MECOM: variants seen among roughly 807,000 people sequenced by gnomAD.
MECOM encodes MDS1 and EVI1 complex locus, also known as histone-lysine N-methyltransferase MECOM.
MECOM carries 13 observed loss-of-function variants against 116.3 expected under a neutral mutation model. The observed-to-expected ratio is 0.11, with a 90% confidence interval of 0.07 to 0.18. MECOM has a LOEUF of 0.18. Among genes scored for constraint, MECOM ranks in the 10% least tolerant of loss-of-function variants. The probability of loss-of-function intolerance (pLI) is 1.00; values close to 1 mark genes in which losing one functional copy is unlikely to be tolerated. For synonymous variants in MECOM, 528 were observed against 535.2 expected (o/e 0.99, Z 0.19); for missense variants, 1,299 against 1,509.0 (o/e 0.86, Z 2.31).
chr3:169,433,699 G>T (rs13083252), intron 1 of MECOM, among the ~76,000 whole-genome samples: 1 of 149,802 alleles, frequency 6.7e-6, no homozygotes, highest in African/African-American at 2.5e-5. Flanking sequence ...GAGAAAGAAA[G>T]AAAAGAAAGA....
intron 2 of MECOM, among the ~76,000 whole-genome samples, chr3:169,153,364 A>T (rs1371422877): frequency 6.6e-6 from 1 of 152,194 alleles, no homozygotes; most frequent in Non-Finnish European, 1.5e-5. Flanking sequence ...GTTGTTTTAT[A>T]TCACTAGGAA....
rs16854045 is a variant in MECOM, at chr3:169,541,618, G to A, written c.37+121718C>T. 9.7e-3 allele frequency among the ~76,000 whole-genome samples: 1,478 copies of A among 152,276 alleles called. 140 individuals carry two copies. The East Asian group carries it at 0.24, about 25-fold the overall frequency. On this transcript the variant is annotated intron_variant, in intron 1 of 16. Coordinates refer to ENST00000651503, the MANE Select transcript of MECOM (RefSeq NM_004991.4). The stretch of plus-strand genomic sequence containing the variant: ...CTGCCAAGAGTTGGTGGCCCAGGAC[G>A]GCTCAGTGCCTCTTTCACCTTCCCT...
chr3:169,494,242 A>AT (rs1304400462), intron 1 of MECOM, among the ~76,000 whole-genome samples: 1 of 151,930 alleles, frequency 6.6e-6, no homozygotes, highest in Non-Finnish European at 1.5e-5. Context: ...TGCTCTTGTG[A>AT]TTTTTACTGA....
At chr3:169,147,595 A>C in intron 2 of MECOM, 1 of 985,392 alleles carries the variant, frequency 1.0e-6, no homozygotes, top group South Asian at 4.7e-5. Flanking sequence ...TTATGGATGC[A>C]CCATCCCCCT....
intron 1 of MECOM, among the ~76,000 whole-genome samples, chr3:169,385,407 C>T (rs1391879706): frequency 2.0e-5 from 3 of 151,962 alleles, no homozygotes; most frequent in Non-Finnish European, 4.4e-5. Flanking sequence ...CCTATTCATC[C>T]ATATGCAAGC....
At chr3:169,609,805 T>C (rs1450281495) in intron 1 of MECOM, among the ~76,000 whole-genome samples, 1 of 152,194 alleles carries the variant, frequency 6.6e-6, no homozygotes, top group East Asian at 1.9e-4. Context: ...TTAATAGCTA[T>C]TAGGTTTCCA....
At chr3:169,202,310 G>A (rs1316947150) in intron 2 of MECOM, among the ~76,000 whole-genome samples, 1 of 152,096 alleles carries the variant, frequency 6.6e-6, no homozygotes, top group African/African-American at 2.4e-5. Flanking sequence ...AAGCAAACCA[G>A]TGTTATTAAT....
chr3:169,299,366 C>T (rs1409968360), intron 2 of MECOM, among the ~76,000 whole-genome samples: 1 of 152,160 alleles, frequency 6.6e-6, no homozygotes, highest in Non-Finnish European at 1.5e-5. Flanking sequence ...TTTTCCTTCC[C>T]GCCCAGGCTG....
At chr3:169,613,795 G>T (rs1205807129) in intron 1 of MECOM, 1 of 152,138 alleles carries the variant, frequency 6.6e-6, no homozygotes, top group East Asian at 1.9e-4. Context: ...TCATTTACTG[G>T]GTACCTGTTC....
intron 1 of MECOM, among the ~76,000 whole-genome samples, chr3:169,560,645 T>A (rs989824337): frequency 6.6e-6 from 1 of 152,088 alleles, no homozygotes; most frequent in Non-Finnish European, 1.5e-5. Flanking sequence ...ACAGAAATAC[T>A]CAATGATATA....
intron 1 of MECOM, among the ~76,000 whole-genome samples, chr3:169,407,873 T>C (rs1438903106): frequency 2.6e-5 from 4 of 152,250 alleles, no homozygotes; most frequent in African/African-American, 9.6e-5. Flanking sequence ...ATTCCACTTC[T>C]TGATGGTTAT....
intron 2 of MECOM, among the ~76,000 whole-genome samples, chr3:169,178,106 AT>A (rs1745441316): frequency 6.6e-6 from 1 of 152,154 alleles, no homozygotes; most frequent in Non-Finnish European, 1.5e-5. Context: ...AGCAATCAGC[AT>A]AGTGCCTGAC....
chr3:169,431,072 T>G (rs1161364362), intron 1 of MECOM, among the ~76,000 whole-genome samples: 1 of 152,214 alleles, frequency 6.6e-6, no homozygotes, highest in East Asian at 1.9e-4. Context: ...TGAGTCATAT[T>G]AAATTATGCT....
intron 1 of MECOM, chr3:169,477,105 G>GTGTGTA (rs1216311292): frequency 3.4e-5 from 2 of 59,556 alleles, no homozygotes; most frequent in African/African-American, 1.5e-4. Flanking sequence ...GTGTGTGTGT[G>GTGTGTA]TATATATATA....
chr3:169,418,729 T>C (rs924674771), intron 1 of MECOM, among the ~76,000 whole-genome samples: 4 of 152,090 alleles, frequency 2.6e-5, no homozygotes, highest in Non-Finnish European at 5.9e-5. Context: ...ATAAACTAGG[T>C]ATTGATGGAA....
chr3:169,292,691 A>AGGGTGAAT (rs1714813611), intron 2 of MECOM, among the ~76,000 whole-genome samples: 1 of 152,122 alleles, frequency 6.6e-6, no homozygotes, highest in East Asian at 1.9e-4. Context: ...TGGGAAGGGG[A>AGGGTGAAT]GGGTGAATTC....
chr3:169,348,023 A>G (rs1725662922), intron 2 of MECOM, among the ~76,000 whole-genome samples: 1 of 152,030 alleles, frequency 6.6e-6, no homozygotes, highest in South Asian at 2.1e-4. Flanking sequence ...AAAATGGGCG[A>G]TTATTTCTCT....
At chr3:169,254,690 A>G (rs1023006596) in intron 2 of MECOM, among the ~76,000 whole-genome samples, 3 of 152,194 alleles carry the variant, frequency 2.0e-5, no homozygotes, top group African/African-American at 7.2e-5. Context: ...TTACTCTCAG[A>G]TAACCCCTAA....
chr3:169,595,522 G>A (rs1400705893), intron 1 of MECOM, among the ~76,000 whole-genome samples: 1 of 152,108 alleles, frequency 6.6e-6, no homozygotes, highest in Non-Finnish European at 1.5e-5. Context: ...ATTAATGCAA[G>A]ATTTTTTTAT....
Sources: gnomAD v4.1 joint callset for allele counts (sites outside exome capture counted in the v4.1 genomes callset) on GRCh38, gnomAD v4.1.1 for gene constraint, MANE v1.5 for transcripts, NCBI Gene and HGNC (gene_info 2026-07-23, HGNC 2026-07-21) for gene names.